CELF1: variants seen among roughly 807,000 people sequenced by gnomAD.
The protein encoded by CELF1 is CUGBP Elav-like family member 1.
A neutral mutation model predicts 61.8 loss-of-function variants in CELF1; 10 were observed. The ratio of observed to expected loss-of-function variants is 0.16; its 90% CI spans 0.10 to 0.27. CELF1 has a LOEUF of 0.27. Among genes scored for constraint, CELF1 ranks in the 10% least tolerant of loss-of-function variants. The pLI is 1.00. For synonymous variants in CELF1, 236 were observed against 225.1 expected (o/e 1.05, Z -0.43); for missense variants, 380 against 639.1 (o/e 0.59, Z 4.37).
chr11:47,488,343 C>G (rs375601145), intron 4 of CELF1, among the ~76,000 whole-genome samples: 115 of 152,322 alleles, frequency 7.5e-4, no homozygotes, highest in African/African-American at 2.7e-3. Flanking sequence ...CTAAACAAAT[C>G]CTTTCTATTT....
intron 11 of CELF1, 158 bp downstream of exon 11, chr11:47,477,139 T>G (rs776345036): frequency 1.1e-5 from 10 of 921,056 alleles, no homozygotes; most frequent in Admixed American, 5.1e-5. Flanking sequence ...CAGGAAGATT[T>G]CTCTTAAGTA....
Position 47,472,139 on chromosome 11 carries a change from AAC to A in CELF1, c.*89_*90del. ...GCAGGGATCAGGGTCCAGGGCTGTC[AAC>A]ACACAGCCTCAGGGCTTCGAATCAT... is the stretch of plus-strand genomic sequence containing the variant. On this transcript the variant is annotated 3_prime_UTR_variant, in exon 15 of 15. Transcript: ENST00000687097. 6.7e-7 allele frequency: 1 copy of A among 1,486,766 alleles called. No homozygotes were observed. Among genetic ancestry groups the A allele is most frequent in the Non-Finnish European group, 9.3e-7 (1 of 1,080,596 alleles). 92.1% of individuals were successfully genotyped at this position (1,486,766 alleles called of 1,614,324 possible). A position where few individuals can be genotyped will look rare whatever the true frequency, so the allele number is the denominator to read the frequency against.
At chr11:47,564,944 C>T (rs946511865) in intron 1 of CELF1, among the ~76,000 whole-genome samples, 2 of 152,050 alleles carry the variant, frequency 1.3e-5, no homozygotes, top group African/African-American at 4.8e-5. Context: ...GCTATGTAAA[C>T]ACTGCTGTTT....
At chr11:47,488,507 A>C (rs1191586266) in intron 4 of CELF1, among the ~76,000 whole-genome samples, 1 of 152,306 alleles carries the variant, frequency 6.6e-6, no homozygotes. Context: ...CCCAAGGTCA[A>C]ATAAGACACT....
chr11:47,491,531 A>G (rs2091479123), intron 3 of CELF1, among the ~76,000 whole-genome samples: 1 of 152,214 alleles, frequency 6.6e-6, no homozygotes, highest in African/African-American at 2.4e-5. Flanking sequence ...CACTATCTAA[A>G]TTCAAAAGCT....
chr11:47,561,939 A>C (rs1478358569), intron 2 of CELF1, among the ~76,000 whole-genome samples: 2 of 152,044 alleles, frequency 1.3e-5, no homozygotes, highest in East Asian at 3.9e-4. Flanking sequence ...ATTAAGAAAA[A>C]AAAAAAGCTG....
In CELF1 at chr11:47,539,402, G is replaced by A. The variant is rs148066386; in HGVS notation, c.-154+13590C>T. 2.3e-3 allele frequency among the ~76,000 whole-genome samples: 356 copies of A among 152,168 alleles called. 2 individuals are homozygous for A. Among genetic ancestry groups the A allele is most frequent in the African/African-American group, 8.0e-3 (333 of 41,546 alleles). ...TGTGGTGGCTCAAGCCTGTAATCCC[G>A]GCACTTTGGGAGGCCGATGCGGACA... On this transcript the variant is annotated intron_variant, in intron 1 of 14. Coordinates refer to ENST00000687097, the MANE Select transcript of CELF1 (RefSeq NM_001376376.1).
intron 9 of CELF1, among the ~76,000 whole-genome samples, chr11:47,481,081 GTTTTTTTTTTTTTTCTTCTTC>G (rs1256572338): frequency 1.3e-4 from 12 of 92,872 alleles, no homozygotes; most frequent in South Asian, 3.9e-4. Context: ...ATAAACTGGG[GTTTTTTTTTTTTTTCTTCTTC>G]TTTTTTTTTT....
At chr11:47,522,989 A>G (rs1186965623) in intron 1 of CELF1, among the ~76,000 whole-genome samples, 1 of 152,176 alleles carries the variant, frequency 6.6e-6, no homozygotes, top group East Asian at 1.9e-4. Context: ...TTGCACCTCC[A>G]ACTGGGCCTG....
rs1284890231 is a variant in CELF1, at chr11:47,484,436, T to C, written c.479A>G (p.Gln160Arg). ...CCGCAATATCCGGCATTCTTCAATC[T>C]GTCCAAACGAAGAGAACATGACTCG... ...DIRVMFSSFG[Q>R]IEECRILRGP... The change falls in exon 7 of 15, where the codon CAG becomes CGG. Residue 160 changes from glutamine (Q) to arginine (R), a missense_variant. By Grantham distance (43) the Gln-to-Arg change is conservative. Coordinates refer to ENST00000687097, the MANE Select transcript of CELF1 (RefSeq NM_001376376.1). The C allele has an allele frequency of 8.7e-6, 14 of 1,613,934 alleles. No homozygotes were observed. The highest frequency in any genetic ancestry group is 1.2e-5 in the Non-Finnish European group (14 of 1,179,924).
chr11:47,486,561 A>C (rs2087297798), intron 6 of CELF1, among the ~76,000 whole-genome samples, 189 bp downstream of exon 6: 1 of 151,986 alleles, frequency 6.6e-6, no homozygotes, highest in African/African-American at 2.4e-5. Flanking sequence ...AGGCATGCAC[A>C]ACCATACCCA....
At chr11:47,493,868 C>T (rs1182702363) in intron 3 of CELF1, among the ~76,000 whole-genome samples, 3 of 152,150 alleles carry the variant, frequency 2.0e-5, no homozygotes, top group African/African-American at 7.2e-5. Context: ...ACAACACTCT[C>T]CCTCTTCCAC....
At chr11:47,520,184 G>A (rs1232190360) in intron 1 of CELF1, among the ~76,000 whole-genome samples, 1 of 152,160 alleles carries the variant, frequency 6.6e-6, no homozygotes, top group Non-Finnish European at 1.5e-5. Context: ...AGAAACATGG[G>A]AGAGCATCTA....
At chr11:47,479,036 G>A (rs973803158) in intron 9 of CELF1, 84 bp from the exon 10 acceptor site, 8 of 1,047,736 alleles carry the variant, frequency 7.6e-6, no homozygotes, top group East Asian at 5.3e-5. Flanking sequence ...ACAGCAAAGC[G>A]AGAGTGCAGA....
At chr11:47,558,152 T>C (rs1300167276) in intron 2 of CELF1, among the ~76,000 whole-genome samples, 2 of 151,962 alleles carry the variant, frequency 1.3e-5, no homozygotes, top group Non-Finnish European at 2.9e-5. Flanking sequence ...CCACCGCGCA[T>C]GGCCGGAAAG....
intron 13 of CELF1, 124 bp from the exon 14 acceptor site, chr11:47,473,355 G>A (rs929308971): frequency 1.1e-6 from 1 of 882,600 alleles, no homozygotes; most frequent in African/African-American, 1.7e-5. Context: ...GATTCATCTG[G>A]GGAACTAAAC....
Position 47,471,752 on chromosome 11 carries a change from T to C in CELF1, c.*478A>G, listed in dbSNP as rs989276299. 6.5e-6 allele frequency: 1 copy of C among 153,958 alleles called. No homozygotes were observed. Among genetic ancestry groups the C allele is most frequent in the African/African-American group, 2.4e-5 (1 of 41,444 alleles). 9.5% of individuals were successfully genotyped at this position (153,958 alleles called of 1,614,324 possible). On this transcript the variant is annotated 3_prime_UTR_variant, in exon 15 of 15. Transcript: ENST00000687097. ...GCTCCCCACAGCTCCCAGGTGTCAGTTCTCATTCTACCCACCCTCACACTA... is the reference window on the plus strand; with the variant it reads ...GCTCCCCACAGCTCCCAGGTGTCAGCTCTCATTCTACCCACCCTCACACTA...
Position 47,506,128 on chromosome 11 carries a change from A to G in CELF1, c.-153-5196T>C, listed in dbSNP as rs1049446186. ...TATACTAATGATAGCCGATGAGTTA[A>G]AAAAAAAAAATTTGCAGGCTGGGCG... is the stretch of plus-strand genomic sequence containing the variant. On this transcript the variant is annotated intron_variant, in intron 1 of 14. Coordinates refer to ENST00000687097, the MANE Select transcript of CELF1 (RefSeq NM_001376376.1). Among the ~76,000 whole-genome samples, 7 of 147,088 alleles carry G rather than the reference A, an allele frequency of 4.8e-5. 1 individual carries two copies. Among genetic ancestry groups the G allele is most frequent in the Non-Finnish European group, 1.1e-4 (7 of 66,016 alleles).
chr11:47,525,256 T>C (rs1367706645), intron 1 of CELF1, among the ~76,000 whole-genome samples: 1 of 152,192 alleles, frequency 6.6e-6, no homozygotes, highest in Admixed American at 6.5e-5. Context: ...AAAATCTATG[T>C]CTGAGGATGA....
Sources: allele counts gnomAD v4.1 joint callset (sites outside exome capture counted in the v4.1 genomes callset), GRCh38; gene constraint gnomAD v4.1.1; transcripts MANE v1.5; gene names NCBI Gene and HGNC (gene_info 2026-07-23, HGNC 2026-07-21).